Variants in CNTN1 observed in about 807,000 individuals in gnomAD.
CNTN1 encodes contactin-1.
Under a neutral mutation model 126.4 loss-of-function variants are expected in CNTN1, and 38 were observed. The ratio of observed to expected loss-of-function variants is 0.30; its 90% confidence interval spans 0.23 to 0.39. The LOEUF is 0.39. Among genes scored for constraint, CNTN1 ranks in the 10% least tolerant of loss-of-function variants. The probability of loss-of-function intolerance (pLI) is 1.00; values close to 1 mark genes in which losing one functional copy is unlikely to be tolerated. For synonymous variants in CNTN1, 413 were observed against 422.6 expected (o/e 0.98, Z 0.28); for missense variants, 1,009 against 1,248.4 (o/e 0.81, Z 2.89).
chr12:40,765,660 G>A (rs1483072124), intron 1 of CNTN1, among the ~76,000 whole-genome samples: 3 of 152,312 alleles, frequency 2.0e-5, no homozygotes, highest in South Asian at 2.1e-4. Flanking sequence ...ACAGAAAAAT[G>A]ACTATTGATT....
intron 1 of CNTN1, among the ~76,000 whole-genome samples, chr12:40,702,100 ATTT>A (rs11330800): frequency 6.9e-6 from 1 of 145,440 alleles, no homozygotes. Context: ...TTTGTATCGG[ATTT>A]TTTTTTTTTT....
At chr12:41,029,001 T>C in intron 22 of CNTN1, 62 bp from the exon 23 acceptor site, 1 of 1,464,888 alleles carries the variant, frequency 6.8e-7, no homozygotes, top group East Asian at 2.3e-5. Flanking sequence ...CTGGTTTTAG[T>C]GTTAGAGCAT....
chr12:40,893,110 G>T (rs1213549905), intron 1 of CNTN1, among the ~76,000 whole-genome samples: 1 of 151,928 alleles, frequency 6.6e-6, no homozygotes, highest in Non-Finnish European at 1.5e-5. Flanking sequence ...ATGTAAGTAA[G>T]TATATCACCT....
chr12:41,041,484 G>A (rs539057158), intron 23 of CNTN1, among the ~76,000 whole-genome samples: 79 of 152,260 alleles, frequency 5.2e-4, no homozygotes, highest in African/African-American at 1.7e-3. Context: ...AGTTTCAGAA[G>A]GAATGGTATC....
At chr12:40,995,212 C>T (rs571693147) in intron 17 of CNTN1, among the ~76,000 whole-genome samples, 9 of 152,142 alleles carry the variant, frequency 5.9e-5, no homozygotes, top group Middle Eastern at 3.4e-3. Flanking sequence ...TGTTTAAAGA[C>T]ATTAGAACTC....
chr12:41,016,986 T>G, intron 19 of CNTN1, 70 bp downstream of exon 19: 1 of 1,350,546 alleles, frequency 7.4e-7, no homozygotes, highest in Admixed American at 1.7e-5. Context: ...GCATTTAGTT[T>G]GTTTCCTTTC....
At chr12:40,736,078 A>G (rs2121284399) in intron 1 of CNTN1, among the ~76,000 whole-genome samples, 1 of 152,206 alleles carries the variant, frequency 6.6e-6, no homozygotes, top group East Asian at 1.9e-4. Flanking sequence ...TCCAATCCCC[A>G]GGGTAAGCTG....
intron 7 of CNTN1, among the ~76,000 whole-genome samples, chr12:40,930,829 A>G (rs569851705): frequency 2.0e-5 from 3 of 152,106 alleles, no homozygotes; most frequent in African/African-American, 7.2e-5. Context: ...CAACACTCAC[A>G]TAATTGGTAT....
intron 1 of CNTN1, among the ~76,000 whole-genome samples, chr12:40,829,167 GA>G (rs1941721628): frequency 6.6e-6 from 1 of 151,916 alleles, no homozygotes; most frequent in Admixed American, 6.6e-5. Context: ...TTTAGGATGA[GA>G]AAACAGAATT....
At chr12:41,016,376 A>G (rs182129191) in intron 18 of CNTN1, among the ~76,000 whole-genome samples, 1 of 152,234 alleles carries the variant, frequency 6.6e-6, no homozygotes, top group Admixed American at 6.5e-5. Context: ...TACCTCGGGA[A>G]AGTGAGGGGG....
At chr12:41,025,466 C>A in intron 21 of CNTN1, 130 bp downstream of exon 21, 3 of 835,952 alleles carry the variant, frequency 3.6e-6, no homozygotes, top group Non-Finnish European at 6.0e-6. Context: ...TACAGCCACA[C>A]AAGATTTCCC....
At position 40,924,634 on chromosome 12, in the gene CNTN1, C is replaced by A. The variant is rs761808311; in HGVS notation, c.478C>A (p.Pro160Thr). The change falls in exon 6 of 24, where the codon CCC becomes ACC. Residue 160 changes from proline to threonine, a missense_variant. Transcript: ENST00000551295. Reference protein sequence around the residue: ...EGKGMVLLCDPPYHFPDDLSY... With the variant: ...EGKGMVLLCDTPYHFPDDLSY... ...GAAAGGAATGGTGCTTCTCTGTGAC[C>A]CCCCATACCATTTTCCAGGTAAACT... 3 of 1,594,116 alleles carry A rather than the reference C, an allele frequency of 1.9e-6. No homozygotes were observed. The highest frequency in any genetic ancestry group is 2.6e-6 in the Non-Finnish European group (3 of 1,162,564).
At position 41,016,854 on chromosome 12, in the gene CNTN1, C is replaced by G; in HGVS notation, c.2357C>G (p.Ala786Gly). 6.2e-7 allele frequency: 1 copy of G among 1,614,024 alleles called. No homozygotes were observed. The highest frequency in any genetic ancestry group is 8.5e-7 in the Non-Finnish European group (1 of 1,179,996). Reference protein sequence around the residue: ...PSTAFQVKVKAFNNKGDGPYS... With the variant: ...PSTAFQVKVKGFNNKGDGPYS... ...ACTGCATTTCAAGTTAAAGTCAAGGCCTTCAACAACAAAGGAGATGGACCT... is the reference window on the plus strand; with the variant it reads ...ACTGCATTTCAAGTTAAAGTCAAGGGCTTCAACAACAAAGGAGATGGACCT... The change falls in exon 19 of 24, where the codon GCC (alanine) becomes GGC (glycine). Residue 786 changes from alanine (A) to glycine (G), a missense_variant. Ala to Gly is a moderately conservative substitution (Grantham distance 60). Coordinates refer to ENST00000551295, the MANE Select transcript of CNTN1 (RefSeq NM_001843.4).
At chr12:41,034,175 A>G (rs1645813824) in intron 23 of CNTN1, among the ~76,000 whole-genome samples, 1 of 152,214 alleles carries the variant, frequency 6.6e-6, no homozygotes, top group Non-Finnish European at 1.5e-5. Context: ...AAGTTACTAT[A>G]TATTCATTTT....
At chr12:40,851,764 T>TTATG (rs1942723455) in intron 1 of CNTN1, among the ~76,000 whole-genome samples, 1 of 151,936 alleles carries the variant, frequency 6.6e-6, no homozygotes, top group South Asian at 2.1e-4. Flanking sequence ...AGATAAGGCT[T>TTATG]AGCGATATTT....
At chr12:40,707,076 A>T (rs1268871521) in intron 1 of CNTN1, among the ~76,000 whole-genome samples, 1 of 112,990 alleles carries the variant, frequency 8.9e-6, no homozygotes, top group Non-Finnish European at 1.8e-5. Flanking sequence ...ACACACACAC[A>T]CACACACACA....
intron 1 of CNTN1, among the ~76,000 whole-genome samples, chr12:40,768,747 G>A (rs530736509): frequency 6.6e-6 from 1 of 152,288 alleles, no homozygotes; most frequent in Non-Finnish European, 1.5e-5. Flanking sequence ...TAGGTCAGCT[G>A]AAAGGCTGAC....
At chr12:41,008,726 C>T (rs774422595) in intron 17 of CNTN1, among the ~76,000 whole-genome samples, 3 of 152,202 alleles carry the variant, frequency 2.0e-5, no homozygotes, top group Non-Finnish European at 2.9e-5. Context: ...CCATCTATGA[C>T]ATGCTTAAAC....
intron 16 of CNTN1, among the ~76,000 whole-genome samples, chr12:40,986,971 A>C (rs375697597): frequency 6.2e-4 from 95 of 152,242 alleles, no homozygotes; most frequent in African/African-American, 2.2e-3. Context: ...ACCTTCTTTC[A>C]TCACTGTTCT....
Sources: gnomAD v4.1 joint callset for allele counts (sites outside exome capture counted in the v4.1 genomes callset) on GRCh38, gnomAD v4.1.1 for gene constraint, MANE v1.5 for transcripts, NCBI Gene and HGNC (gene_info 2026-07-23, HGNC 2026-07-21) for gene names.